NMT2: variants seen among roughly 807,000 people sequenced by gnomAD.
NMT2 encodes glycylpeptide N-tetradecanoyltransferase 2.
A neutral mutation model predicts 65.4 loss-of-function variants in NMT2; 35 were observed. The observed-to-expected ratio is 0.54, with a 90% CI of 0.41 to 0.71. NMT2 has a LOEUF of 0.71. Ranked by LOEUF, NMT2 falls within the 30% of genes least tolerant of loss-of-function variation. The pLI, the probability that NMT2 is intolerant of heterozygous loss-of-function variation, is 0.00. For synonymous variants in NMT2, 226 were observed against 231.8 expected (o/e 0.98, Z 0.23); for missense variants, 489 against 611.3 (o/e 0.80, Z 2.11).
At chr10:15,141,331 C>A in intron 2 of NMT2, 91 bp downstream of exon 2, 1 of 1,492,100 alleles carries the variant, frequency 6.7e-7, no homozygotes. Context: ...AACAAAGTCC[C>A]TACACATCTG....
At chr10:15,134,270 G>T (rs574322329) in intron 3 of NMT2, among the ~76,000 whole-genome samples, 11 of 152,044 alleles carry the variant, frequency 7.2e-5, no homozygotes, top group Admixed American at 4.6e-4. Context: ...TAAAACCCAG[G>T]CTCTTCCCCA....
chr10:15,121,577 G>C (rs1454621189), intron 8 of NMT2, among the ~76,000 whole-genome samples: 1 of 152,206 alleles, frequency 6.6e-6, no homozygotes, highest in African/African-American at 2.4e-5. Context: ...ACGTTGGCCA[G>C]GCTGGTCTCG....
chr10:15,134,531 C>T (rs1166955460), intron 3 of NMT2, among the ~76,000 whole-genome samples: 1 of 152,226 alleles, frequency 6.6e-6, no homozygotes, highest in African/African-American at 2.4e-5. Flanking sequence ...CGCTCCTCCC[C>T]AGCCTGGCCA....
At chr10:15,140,323 C>T (rs188257501) in intron 2 of NMT2, among the ~76,000 whole-genome samples, 131 of 152,096 alleles carry the variant, frequency 8.6e-4, no homozygotes, top group African/African-American at 3.0e-3. Flanking sequence ...AGGGTTTTGC[C>T]ATGTTGCCCA....
chr10:15,153,259 A>G (rs751993128), intron 1 of NMT2, among the ~76,000 whole-genome samples: 24 of 152,352 alleles, frequency 1.6e-4, no homozygotes, highest in Non-Finnish European at 2.9e-4. Flanking sequence ...CCCCTCCGCC[A>G]TCTCTAAAAA....
Position 15,135,286 on chromosome 10 carries a change from C to T in NMT2, c.379G>A (p.Val127Ile). The change falls in exon 3 of 12, where the codon GTA becomes ATA. Residue 127 changes from valine to isoleucine, a missense_variant. Val to Ile is a conservative substitution (Grantham distance 29). Transcript: ENST00000378165. ...HRYQFWDTQP[V>I]PKLDEVITSH... ...CAGAAAAACTTACCTAGTTTTGGTA[C>T]CGGTTGTGTGTCCCAAAACTGGTAT... The T allele has an allele frequency of 6.2e-7, 1 of 1,613,880 alleles. No homozygotes were observed. The highest frequency in any genetic ancestry group is 8.5e-7 in the Non-Finnish European group (1 of 1,179,976).
intron 1 of NMT2, among the ~76,000 whole-genome samples, chr10:15,147,245 A>T (rs1846998588): frequency 6.6e-6 from 1 of 152,058 alleles, no homozygotes; most frequent in Non-Finnish European, 1.5e-5. Flanking sequence ...TCTACTGTGA[A>T]ATACAAGAAA....
chr10:15,121,152 T>C (rs894760636), intron 8 of NMT2, among the ~76,000 whole-genome samples: 1 of 152,208 alleles, frequency 6.6e-6, no homozygotes, highest in Non-Finnish European at 1.5e-5. Flanking sequence ...AAACCTGATT[T>C]TTCCCCCCCT....
At position 15,109,738 on chromosome 10, in the gene NMT2, C is replaced by A; in HGVS notation, c.1440G>T (p.Leu480=). 6.2e-7 allele frequency: 1 copy of A among 1,613,132 alleles called. No homozygotes were observed. Among genetic ancestry groups the A allele is most frequent in the Non-Finnish European group, 8.5e-7 (1 of 1,179,670 alleles). ...CTGTACCTGGACACCTCCAATTGTA[C>A]AGGTAATACTGCAAATTGCCATCTC... ...GIGDGNLQYY[L]YNWRCPGTDS... is the part of the protein sequence containing the mutation. The change falls in exon 11 of 12, where the codon CTG becomes CTT. Residue 480 remains leucine (L), a synonymous_variant. Transcript: ENST00000378165.
At chr10:15,149,732 T>G (rs1037054494) in intron 1 of NMT2, among the ~76,000 whole-genome samples, 2 of 152,158 alleles carry the variant, frequency 1.3e-5, no homozygotes, top group Non-Finnish European at 2.9e-5. Flanking sequence ...ATTATTATTA[T>G]TATTCCCGTT....
Position 15,168,619 on chromosome 10 carries a change from G to A in NMT2, c.-7C>T, listed in dbSNP as rs369480393. 27 of 1,572,682 alleles carry A rather than the reference G, an allele frequency of 1.7e-5. No homozygotes were observed. The highest frequency in any genetic ancestry group is 2.2e-5 in the Non-Finnish European group (26 of 1,166,176). ...ACTCGCTGTCCTCCGCCATCGCGGC[G>A]GCGCTGGCTGGGGAGGCGGTGCTCG... On this transcript the variant is annotated 5_prime_UTR_variant, in exon 1 of 12. Transcript: ENST00000378165.
Position 15,168,596 on chromosome 10 carries a change from T to C in NMT2, c.17A>G (p.Glu6Gly). 1 of 1,584,016 alleles carries C rather than the reference T, an allele frequency of 6.3e-7. No homozygotes were observed. Among genetic ancestry groups the C allele is most frequent in the Non-Finnish European group, 8.5e-7 (1 of 1,170,110 alleles). MAEDS[E>G]SAASQQSLEL... Reference sequence around the variant, plus strand: ...CAGGCTCTGCTGGCTGGCCGCAGACTCGCTGTCCTCCGCCATCGCGGCGGC... The same window carrying C: ...CAGGCTCTGCTGGCTGGCCGCAGACCCGCTGTCCTCCGCCATCGCGGCGGC... The change falls in exon 1 of 12, where the codon GAG (glutamate) becomes GGG (glycine). Residue 6 changes from glutamate (E) to glycine (G), a missense_variant. Coordinates refer to ENST00000378165, the MANE Select transcript of NMT2 (RefSeq NM_004808.3).
At chr10:15,131,506 GGTGCAGAATCT>G (rs1296105666) in intron 6 of NMT2, among the ~76,000 whole-genome samples, 1 of 151,976 alleles carries the variant, frequency 6.6e-6, no homozygotes, top group Non-Finnish European at 1.5e-5. Flanking sequence ...GAGTCATCCT[GGTGCAGAATCT>G]GATAAGATGT....
At chr10:15,119,617 C>T (rs1283086941) in intron 8 of NMT2, 104 bp from the exon 9 acceptor site, 4 of 893,620 alleles carry the variant, frequency 4.5e-6, no homozygotes, top group East Asian at 2.5e-5. Flanking sequence ...ATGAGCAGCA[C>T]GCGGGAGCTA....
At chr10:15,119,784 G>A (rs566922471) in intron 8 of NMT2, among the ~76,000 whole-genome samples, 7 of 152,232 alleles carry the variant, frequency 4.6e-5, no homozygotes, top group East Asian at 1.9e-4. Context: ...CTATCTGTGC[G>A]GCAAGTCTTT....
At chr10:15,118,656 T>C (rs946583584) in intron 9 of NMT2, among the ~76,000 whole-genome samples, 1 of 150,156 alleles carries the variant, frequency 6.7e-6, no homozygotes, top group East Asian at 1.9e-4. Flanking sequence ...GGCTAACAGA[T>C]TGATGAGATA....
At chr10:15,139,635 G>A (rs549935737) in intron 2 of NMT2, 63 of 151,852 alleles carry the variant, frequency 4.1e-4, no homozygotes, top group Admixed American at 2.3e-3. Context: ...TTTATTACCC[G>A]AGAACCAAGT....
chr10:15,106,909 C>T lies in NMT2; in HGVS notation c.*2286G>A, dbSNP rs1000099667. Among the ~76,000 whole-genome samples, 3 of 152,072 alleles carry T rather than the reference C, an allele frequency of 2.0e-5. No homozygotes were observed. Among genetic ancestry groups the T allele is most frequent in the Non-Finnish European group, 2.9e-5 (2 of 68,000 alleles). On this transcript the variant is annotated 3_prime_UTR_variant, in exon 12 of 12. Transcript: ENST00000378165. ...TGAGGCCAGGAGTTAAAGACCAGCA[C>T]GGGAAACATAGCAAGACCTTGTCTC...
intron 1 of NMT2, among the ~76,000 whole-genome samples, chr10:15,143,502 G>C (rs79782368): frequency 0.011 from 1,701 of 152,266 alleles, 27 homozygotes; most frequent in African/African-American, 0.038. Flanking sequence ...GACTGGGAAG[G>C]ACGCTTTGAA....
Sources: allele counts gnomAD v4.1 joint callset (sites outside exome capture counted in the v4.1 genomes callset), GRCh38; gene constraint gnomAD v4.1.1; transcripts MANE v1.5; gene names NCBI Gene and HGNC (gene_info 2026-07-23, HGNC 2026-07-21).